FMNL2: variants seen among roughly 807,000 people sequenced by gnomAD.
The protein encoded by FMNL2 is formin-like protein 2.
In FMNL2, 51 loss-of-function variants were observed where a neutral mutation model predicts 130.2. The observed-to-expected ratio is 0.39, with a 90% confidence interval of 0.31 to 0.49. FMNL2 has a LOEUF of 0.49. Ranked by LOEUF, FMNL2 falls within the 20% of genes least tolerant of loss-of-function variation. FMNL2 has a pLI of 0.85. For missense variants in FMNL2, 977 were observed against 1,316.2 expected, an observed-to-expected ratio of 0.74 and a Z score of 3.99; for synonymous variants, 465 against 467.1, an observed-to-expected ratio of 1.00 and a Z score of 0.06.
intron 9 of FMNL2, among the ~76,000 whole-genome samples, chr2:152,605,442 C>T (rs1426109726): frequency 6.6e-6 from 1 of 152,144 alleles, no homozygotes; most frequent in African/African-American, 2.4e-5. Flanking sequence ...CCTCAGTCTC[C>T]TGAGTAGCTG....
intron 4 of FMNL2, among the ~76,000 whole-genome samples, chr2:152,552,214 G>T (rs1450933588): frequency 1.3e-5 from 2 of 152,112 alleles, no homozygotes; most frequent in Non-Finnish European, 2.9e-5. Context: ...AAACATAATA[G>T]TTACTCAATA....
intron 1 of FMNL2, among the ~76,000 whole-genome samples, chr2:152,338,322 A>G (rs1681597426): frequency 6.6e-6 from 1 of 152,196 alleles, no homozygotes. Flanking sequence ...TAACATCAAT[A>G]ATTAACAGAC....
rs182733094 is a variant in FMNL2, at chr2:152,417,418, G to C, written c.117+81698G>C. ...GTCAGCTGAATCTGCTGATTTGTAA[G>C]ACTCTTGGGGCAGGTTAACAGCCTT... On this transcript the variant is annotated intron_variant, in intron 1 of 25. Coordinates refer to ENST00000288670, the MANE Select transcript of FMNL2 (RefSeq NM_052905.4). Among the ~76,000 whole-genome samples, 331 of 152,334 alleles carry C rather than the reference G, an allele frequency of 2.2e-3. 2 individuals carry two copies. The highest frequency in any genetic ancestry group is 7.7e-3 in the African/African-American group (322 of 41,578).
intron 1 of FMNL2, among the ~76,000 whole-genome samples, chr2:152,391,129 G>A (rs985489096): frequency 6.6e-6 from 1 of 152,110 alleles, no homozygotes; most frequent in Non-Finnish European, 1.5e-5. Context: ...AGAGCTTCCC[G>A]AACTTCCAAC....
At chr2:152,463,907 G>C (rs976861965) in intron 1 of FMNL2, among the ~76,000 whole-genome samples, 2 of 152,006 alleles carry the variant, frequency 1.3e-5, no homozygotes, top group African/African-American at 4.8e-5. Context: ...TTGTTTGATG[G>C]TTAATTTTCT....
intron 6 of FMNL2, among the ~76,000 whole-genome samples, chr2:152,565,762 T>C (rs1383554309): frequency 2.0e-5 from 3 of 151,918 alleles, no homozygotes; most frequent in African/African-American, 7.3e-5. Flanking sequence ...GAGTTTGTTT[T>C]TCTTATGATG....
chr2:152,389,319 T>A (rs1684965699), intron 1 of FMNL2, among the ~76,000 whole-genome samples: 1 of 152,204 alleles, frequency 6.6e-6, no homozygotes, highest in Non-Finnish European at 1.5e-5. Context: ...TTCTGCTGTA[T>A]CTTCATATAG....
intron 3 of FMNL2, among the ~76,000 whole-genome samples, chr2:152,548,467 A>G (rs954315564): frequency 2.0e-5 from 3 of 152,178 alleles, no homozygotes; most frequent in Non-Finnish European, 4.4e-5. Flanking sequence ...CTAGGCAGAG[A>G]GTTGCCTATT....
chr2:152,518,535 G>A (rs1320400073), intron 1 of FMNL2, among the ~76,000 whole-genome samples: 4 of 152,046 alleles, frequency 2.6e-5, no homozygotes, highest in Admixed American at 1.3e-4. Flanking sequence ...GCTATCTCAG[G>A]CCTAAACAGG....
In FMNL2 at chr2:152,601,313, T is replaced by C. The variant is rs1012966444; in HGVS notation, c.877-6026T>C. Among the ~76,000 whole-genome samples, 17 of 149,872 alleles carry C rather than the reference T, an allele frequency of 1.1e-4. 1 individual carries two copies. The highest frequency in any genetic ancestry group is 4.1e-4 in the African/African-American group (17 of 41,080). ...TTTCTTTTCTTTTTTCTTTTTTTTT[T>C]TTTTTGAGATGGAGTCTCGCTCTGT... is the stretch of plus-strand genomic sequence containing the variant. On this transcript the variant is annotated intron_variant, in intron 9 of 25. Transcript: ENST00000288670.
At chr2:152,493,967 A>T (rs533843238) in intron 1 of FMNL2, among the ~76,000 whole-genome samples, 3 of 152,248 alleles carry the variant, frequency 2.0e-5, no homozygotes, top group African/African-American at 7.2e-5. Flanking sequence ...TTAACAAAGC[A>T]TTTGGCTTAC....
intron 1 of FMNL2, chr2:152,389,968 A>G: frequency 1.5e-6 from 2 of 1,375,548 alleles, no homozygotes; most frequent in South Asian, 1.2e-5. Flanking sequence ...GGGGCCCCAG[A>G]TAAAGGCAGA....
chr2:152,576,218 A>G (rs545783450), intron 7 of FMNL2, among the ~76,000 whole-genome samples: 2 of 152,314 alleles, frequency 1.3e-5, no homozygotes, highest in East Asian at 3.9e-4. Flanking sequence ...TGTTAAATTT[A>G]AGAAGGGAAA....
At chr2:152,412,899 G>A (rs2106008300) in intron 1 of FMNL2, among the ~76,000 whole-genome samples, 1 of 152,248 alleles carries the variant, frequency 6.6e-6, no homozygotes, top group African/African-American at 2.4e-5. Flanking sequence ...TGGACCATAT[G>A]AACTTGCTGC....
intron 1 of FMNL2, among the ~76,000 whole-genome samples, chr2:152,356,846 G>A (rs774514688): frequency 2.0e-5 from 3 of 151,734 alleles, no homozygotes; most frequent in Non-Finnish European, 4.4e-5. Flanking sequence ...GCCTTATGGA[G>A]AAGATATGTA....
chr2:152,521,462 A>G (rs538425753), intron 1 of FMNL2, among the ~76,000 whole-genome samples: 5 of 152,138 alleles, frequency 3.3e-5, no homozygotes, highest in South Asian at 2.1e-4. Flanking sequence ...GGGACAAAAA[A>G]TAGTTGCATT....
intron 9 of FMNL2, among the ~76,000 whole-genome samples, chr2:152,593,160 C>T (rs1697527357): frequency 6.6e-6 from 1 of 151,930 alleles, no homozygotes; most frequent in African/African-American, 2.4e-5. Flanking sequence ...GTCCATGTTA[C>T]AGAACAAAAC....
intron 9 of FMNL2, among the ~76,000 whole-genome samples, chr2:152,600,979 A>T (rs1321811101): frequency 6.6e-6 from 1 of 152,150 alleles, no homozygotes; most frequent in East Asian, 1.9e-4. Context: ...CAGCTTGGCC[A>T]TATCATGTTC....
rs767425166 is a variant in FMNL2 at position 152,607,376 on chromosome 2, A to G, written c.914A>G (p.Glu305Gly). The G allele has an allele frequency of 3.1e-6, 5 of 1,613,660 alleles. No homozygotes were observed. The South Asian group carries it at 5.5e-5, about 18-fold the overall frequency. The stretch of plus-strand genomic sequence containing the variant: ...AAACAGCGCTTTGAGAAGTTGATGG[A>G]ACATTTCAGGAATGAAGACAATAAC... ...GEKQRFEKLM[E>G]HFRNEDNNID... The change falls in exon 10 of 26, where the codon GAA becomes GGA. Residue 305 changes from glutamate to glycine, a missense_variant. Around this residue, in one of 4 missense-constraint regions of FMNL2, gnomAD observed 689 missense variants for 995.9 expected, o/e 0.69. Coordinates refer to ENST00000288670, the MANE Select transcript of FMNL2 (RefSeq NM_052905.4).
Sources: allele counts gnomAD v4.1 joint callset (sites outside exome capture counted in the v4.1 genomes callset), GRCh38; gene constraint gnomAD v4.1.1; regional missense constraint gnomAD v4.1.1; transcripts MANE v1.5; gene names NCBI Gene and HGNC (gene_info 2026-07-23, HGNC 2026-07-21).